DDAH1: variants seen among roughly 807,000 people sequenced by gnomAD.
DDAH1 encodes N(G),N(G)-dimethylarginine dimethylaminohydrolase 1.
Under a neutral mutation model 28.8 loss-of-function variants are expected in DDAH1, and 19 were observed. The ratio of observed to expected loss-of-function variants is 0.66; its 90% CI spans 0.46 to 0.97. DDAH1 has a LOEUF of 0.97. DDAH1 is among the 50% of genes least tolerant of loss of function. The pLI, the probability that DDAH1 is intolerant of heterozygous loss-of-function variation, is 0.00. For synonymous variants in DDAH1, 153 were observed against 154.4 expected (o/e 0.99, Z 0.07); for missense variants, 326 against 375.9 (o/e 0.87, Z 1.10).
chr1:85,511,416 C>T (rs968504630), intron 1 of DDAH1, among the ~76,000 whole-genome samples: 1 of 152,138 alleles, frequency 6.6e-6, no homozygotes, highest in Non-Finnish European at 1.5e-5. Context: ...CTAAAATCGA[C>T]ATCATAACAT....
intron 1 of DDAH1, among the ~76,000 whole-genome samples, chr1:85,560,304 G>A (rs12070993): frequency 0.078 from 11,849 of 152,012 alleles, 523 homozygotes; most frequent in East Asian, 0.15. Flanking sequence ...TGGCAGACCT[G>A]AACTATAAGA....
rs1235813599 is a variant in DDAH1, at chr1:85,464,200, T to C, written c.303+543A>G. 6.6e-6 allele frequency among the ~76,000 whole-genome samples: 1 copy of C among 152,140 alleles called. No individual in the cohort carries two copies. The highest frequency in any genetic ancestry group is 1.5e-5 in the Non-Finnish European group (1 of 68,028). On this transcript the variant is annotated intron_variant, in intron 1 of 5. Coordinates refer to ENST00000284031, the MANE Select transcript of DDAH1 (RefSeq NM_012137.4). The surrounding 1 kb of genome is among the most constrained non-coding windows in gnomAD (Gnocchi z 4.4). The stretch of plus-strand genomic sequence containing the variant: ...TTCATTCACTTACTAGTCCCGTTCT[T>C]TGGGACTCACTCGCCACCACTGAAA...
chr1:85,566,783 T>C (rs1045609739), intron 1 of DDAH1, among the ~76,000 whole-genome samples: 21 of 152,130 alleles, frequency 1.4e-4, no homozygotes, highest in African/African-American at 5.1e-4. Flanking sequence ...TATGTGTGTG[T>C]GTGTGTACAT....
At chr1:85,381,493 C>T (rs1428497933) in intron 1 of DDAH1, among the ~76,000 whole-genome samples, 1 of 151,138 alleles carries the variant, frequency 6.6e-6, no homozygotes. Flanking sequence ...CCTTCACCCC[C>T]CTCCCAACCT....
chr1:85,322,855 A>G (rs538951145), intron 5 of DDAH1, among the ~76,000 whole-genome samples: 1 of 152,270 alleles, frequency 6.6e-6, no homozygotes, highest in South Asian at 2.1e-4. Context: ...AGGTCAGATG[A>G]TCAATGTGGC....
At chr1:85,475,023 G>C (rs539847038) in intron 2 of DDAH1, among the ~76,000 whole-genome samples, 14 of 152,214 alleles carry the variant, frequency 9.2e-5, no homozygotes, top group Non-Finnish European at 1.5e-5. Context: ...TAGTTATTAT[G>C]AGGACTAAAT....
chr1:85,501,829 A>T (rs937533079), intron 1 of DDAH1, among the ~76,000 whole-genome samples: 2 of 152,156 alleles, frequency 1.3e-5, no homozygotes, highest in African/African-American at 4.8e-5. Context: ...TAGTAACTTC[A>T]TCAAAGCCAG....
upstream of DDAH1, among the ~76,000 whole-genome samples, chr1:85,468,507 G>A (rs1655463408): frequency 6.6e-6 from 1 of 150,736 alleles, no homozygotes; most frequent in South Asian, 2.1e-4. Flanking sequence ...GACAGCTTGT[G>A]TAGGGGAACT....
At position 85,430,456 on chromosome 1, in the gene DDAH1, G is replaced by A. The variant is rs188753539; in HGVS notation, c.303+34287C>T. Among the ~76,000 whole-genome samples the A allele has an allele frequency of 3.0e-4, 46 of 152,322 alleles. No homozygotes were observed. In the East Asian group the frequency reaches 7.7e-3, roughly 26 times the overall value. ...TGAAGAAAGTCAGTGGTAGCTAGAT[G>A]TGGATAGCATTGAATCTATAAATTA... On this transcript the variant is annotated intron_variant, in intron 1 of 5. Transcript: ENST00000284031.
intron 1 of DDAH1, among the ~76,000 whole-genome samples, chr1:85,426,013 G>A (rs528339795): frequency 5.3e-5 from 8 of 152,100 alleles, no homozygotes; most frequent in Admixed American, 1.3e-4. Flanking sequence ...CTCACATTAC[G>A]TTCATTACTA....
chr1:85,536,948 C>CATATATAT (rs202209648), intron 1 of DDAH1, among the ~76,000 whole-genome samples: 25 of 91,832 alleles, frequency 2.7e-4, no homozygotes, highest in African/African-American at 5.2e-4. Flanking sequence ...GAAAATGTGG[C>CATATATAT]ATATATATAT....
intron 1 of DDAH1, among the ~76,000 whole-genome samples, chr1:85,500,718 A>C (rs1001300696): frequency 3.3e-5 from 5 of 152,106 alleles, no homozygotes; most frequent in African/African-American, 7.2e-5. Context: ...GCCACCTCAT[A>C]CTATTCCACA....
chr1:85,424,744 ATTAAAT>A (rs1557613401), intron 1 of DDAH1, among the ~76,000 whole-genome samples: 2 of 152,052 alleles, frequency 1.3e-5, no homozygotes, highest in Admixed American at 6.6e-5. Context: ...GTGCTGTGTT[ATTAAAT>A]TTAATTTTTT....
intron 4 of DDAH1, among the ~76,000 whole-genome samples, chr1:85,347,615 G>A (rs549488155): frequency 3.3e-5 from 5 of 151,880 alleles, no homozygotes; most frequent in Non-Finnish European, 5.9e-5. Context: ...GGGGCCTGTC[G>A]TGGGATGGGG....
rs191534114 is a variant in DDAH1 at position 85,355,453 on chromosome 1, G to A, written c.403+3295C>T. 3.5e-3 allele frequency among the ~76,000 whole-genome samples: 526 copies of A among 152,100 alleles called. 1 individual carries two copies. Among genetic ancestry groups the A allele is most frequent in the African/African-American group, 0.012 (484 of 41,510 alleles). ...ATAATAGTCATAACAAAATGTTATC[G>A]AACTAAATTCAACACTGTGTTAAAA... On this transcript the variant is annotated intron_variant, in intron 2 of 5. Coordinates refer to ENST00000284031, the MANE Select transcript of DDAH1 (RefSeq NM_012137.4).
At chr1:85,568,959 T>C (rs1349234660) in intron 1 of DDAH1, among the ~76,000 whole-genome samples, 1 of 152,218 alleles carries the variant, frequency 6.6e-6, no homozygotes, top group Admixed American at 6.5e-5. Context: ...TCCTCTAGAC[T>C]GTGTCATCCT....
intron 1 of DDAH1, among the ~76,000 whole-genome samples, chr1:85,509,553 G>T (rs1657150026): frequency 6.6e-6 from 1 of 152,130 alleles, no homozygotes; most frequent in Non-Finnish European, 1.5e-5. Context: ...GCTAAAGGAG[G>T]ATGTTCAAAC....
At chr1:85,327,919 G>A (rs1447616702) in intron 4 of DDAH1, among the ~76,000 whole-genome samples, 4 of 152,158 alleles carry the variant, frequency 2.6e-5, no homozygotes, top group African/African-American at 9.7e-5. Context: ...AAATATGTTT[G>A]CACTAACTGG....
chr1:85,364,818 A>G (rs2100871393), intron 1 of DDAH1, among the ~76,000 whole-genome samples: 1 of 152,338 alleles, frequency 6.6e-6, no homozygotes, highest in South Asian at 2.1e-4. Context: ...TGCTGGGATT[A>G]CAGGCATGAG....
Sources: allele counts gnomAD v4.1 joint callset (sites outside exome capture counted in the v4.1 genomes callset), GRCh38; gene constraint gnomAD v4.1.1; non-coding constraint Gnocchi (gnomAD v3.1); transcripts MANE v1.5; gene names NCBI Gene and HGNC (gene_info 2026-07-23, HGNC 2026-07-21).